CLVS1: variants seen among roughly 807,000 people sequenced by gnomAD.
The protein encoded by CLVS1 is clavesin-1.
In CLVS1, 10 loss-of-function variants were observed where a neutral mutation model predicts 33.1. That is an observed-to-expected ratio of 0.30 (90% CI 0.19 to 0.51). The LOEUF (loss-of-function observed/expected upper bound fraction) is 0.51, where lower values mean the gene tolerates loss of function less well. Ranked by LOEUF, CLVS1 falls within the 20% of genes least tolerant of loss-of-function variation. CLVS1 has a pLI of 0.97. For synonymous variants in CLVS1, 163 were observed against 166.1 expected (o/e 0.98, Z 0.14); for missense variants, 343 against 433.4 (o/e 0.79, Z 1.85).
At chr8:61,367,812 A>G (rs1380067499) in intron 2 of CLVS1, among the ~76,000 whole-genome samples, 2 of 152,210 alleles carry the variant, frequency 1.3e-5, no homozygotes, top group Non-Finnish European at 2.9e-5. Flanking sequence ...CCATGTACAT[A>G]TATTTTACTG....
intron 5 of CLVS1, among the ~76,000 whole-genome samples, chr8:61,489,464 T>C (rs1317984698): frequency 6.6e-6 from 1 of 152,236 alleles, no homozygotes; most frequent in African/African-American, 2.4e-5. Context: ...GTTTCCTGAT[T>C]TGCAAAATGG....
chr8:61,267,150 TCA>T (rs1455352347), intron 2 of CLVS1, among the ~76,000 whole-genome samples: 2 of 152,214 alleles, frequency 1.3e-5, no homozygotes, highest in Non-Finnish European at 2.9e-5. Context: ...TCTGCAGATT[TCA>T]GTTTCCCTGT....
At chr8:61,330,273 C>T (rs967180238) in intron 2 of CLVS1, among the ~76,000 whole-genome samples, 7 of 152,126 alleles carry the variant, frequency 4.6e-5, no homozygotes, top group Admixed American at 1.3e-4. Context: ...AAGAAAGGAG[C>T]TTTACCATGA....
At chr8:61,425,281 A>G (rs1022153851) in intron 3 of CLVS1, among the ~76,000 whole-genome samples, 1 of 152,138 alleles carries the variant, frequency 6.6e-6, no homozygotes, top group African/African-American at 2.4e-5. Context: ...GTTTTTCTCT[A>G]TTCTAAGATT....
chr8:61,232,820 C>T (rs10088896), intron 2 of CLVS1, among the ~76,000 whole-genome samples: 33,068 of 152,060 alleles, frequency 0.22, 6,249 homozygotes, highest in East Asian at 0.69. Flanking sequence ...GTTGGACAAA[C>T]GGCAACAGTA....
At chr8:61,401,767 T>C (rs570453296) in intron 3 of CLVS1, among the ~76,000 whole-genome samples, 10 of 152,206 alleles carry the variant, frequency 6.6e-5, no homozygotes, top group Non-Finnish European at 1.3e-4. Flanking sequence ...CAATCCTAAG[T>C]AAAAAGAACA....
intron 3 of CLVS1, among the ~76,000 whole-genome samples, chr8:61,424,483 T>G (rs1473147391): frequency 1.3e-5 from 2 of 152,258 alleles, no homozygotes; most frequent in Admixed American, 1.3e-4. Context: ...TTTATTACCA[T>G]GTAACAGTAG....
rs1217059569 is a variant in CLVS1, at chr8:61,123,277, T to TAAC, written c.-242-8491_-242-8490insCAA. Among the ~76,000 whole-genome samples the TAAC allele has an allele frequency of 4.5e-5, 5 of 110,774 alleles. 1 individual carries two copies. The highest frequency in any genetic ancestry group is 2.4e-4 in the Admixed American group (2 of 8,282). 72.7% of individuals were successfully genotyped at this position (110,774 alleles called of 152,430 possible). ...AGAGTGAAACTCTGTCTCAAAATAA[T>TAAC]AATAATAATAATAATAATAAAAGTC... On this transcript the variant is annotated intron_variant, in intron 1 of 2. Coordinates refer to the CLVS1 transcript ENST00000522621.
At chr8:61,344,157 G>T (rs1812119893) in intron 2 of CLVS1, among the ~76,000 whole-genome samples, 1 of 151,998 alleles carries the variant, frequency 6.6e-6, no homozygotes, top group Admixed American at 6.6e-5. Flanking sequence ...CAATCATGCA[G>T]GTGAGGAACT....
At chr8:61,451,812 CAGAGAGAGAGAGAGAGAG>C (rs71257362) in intron 3 of CLVS1, among the ~76,000 whole-genome samples, 2 of 142,850 alleles carry the variant, frequency 1.4e-5, no homozygotes, top group Non-Finnish European at 1.5e-5. Flanking sequence ...CACACACACA[CAGAGAGAGAGAGAGAGAG>C]AGAGAGAGAG....
the CLVS1 span, among the ~76,000 whole-genome samples, chr8:61,009,470 G>C: frequency 6.6e-6 from 1 of 152,280 alleles, no homozygotes; most frequent in African/African-American, 2.4e-5. Flanking sequence ...TAATTTGCCA[G>C]TTGAAGAGTC....
At chr8:61,480,601 G>C (rs569813193) in intron 5 of CLVS1, among the ~76,000 whole-genome samples, 2 of 152,084 alleles carry the variant, frequency 1.3e-5, no homozygotes, top group South Asian at 4.1e-4. Flanking sequence ...TGCACCCACT[G>C]TCCGGCACTC....
In CLVS1 at chr8:61,268,466, G is replaced by A. The variant is rs1482054015; in HGVS notation, c.-151-31211G>A. 1.2e-4 allele frequency among the ~76,000 whole-genome samples: 18 copies of A among 151,426 alleles called. No homozygotes were observed. In the South Asian group the frequency reaches 1.7e-3, roughly 14 times the overall value. Reference sequence around the variant, plus strand: ...AGTCTTTGCTATGGTGAATAATGCCGCAATAAACATACGTGTGCATGTGTA... The same window carrying A: ...AGTCTTTGCTATGGTGAATAATGCCACAATAAACATACGTGTGCATGTGTA... On this transcript the variant is annotated intron_variant, in intron 2 of 2. Coordinates refer to the CLVS1 transcript ENST00000522621.
intron 2 of CLVS1, chr8:61,370,395 C>CT (rs1188394978): frequency 0.026 from 3,715 of 144,238 alleles, 140 homozygotes; most frequent in African/African-American, 0.082. Context: ...CTGTATCATT[C>CT]TTTTTTTTTT....
chr8:61,071,167 T>C (rs1804790434), intron 1 of CLVS1, among the ~76,000 whole-genome samples: 1 of 152,244 alleles, frequency 6.6e-6, no homozygotes, highest in Non-Finnish European at 1.5e-5. Flanking sequence ...CAGAGAAAAG[T>C]ATGCAACTGC....
chr8:61,179,925 A>G (rs1016295068), intron 2 of CLVS1, among the ~76,000 whole-genome samples: 1 of 152,236 alleles, frequency 6.6e-6, no homozygotes, highest in African/African-American at 2.4e-5. Flanking sequence ...TCATAATTAA[A>G]AGAACTAGAG....
rs114054481 is a variant in CLVS1 at position 61,108,451 on chromosome 8, G to A, written c.-242-23319G>A. ...GCTCTAAATGGCTCCATAGATCTCTGTTTTAATCTATTCCAATCTCTGTTT... is the reference window on the plus strand; with the variant it reads ...GCTCTAAATGGCTCCATAGATCTCTATTTTAATCTATTCCAATCTCTGTTT... On this transcript the variant is annotated intron_variant, in intron 1 of 2. Coordinates refer to the CLVS1 transcript ENST00000522621. Among the ~76,000 whole-genome samples the A allele has an allele frequency of 8.2e-3, 1,243 of 152,196 alleles. 12 individuals carry two copies. The highest frequency in any genetic ancestry group is 0.028 in the African/African-American group (1,177 of 41,512).
At chr8:61,378,363 T>C (rs762290129) in intron 3 of CLVS1, 2 of 152,202 alleles carry the variant, frequency 1.3e-5, no homozygotes, top group Non-Finnish European at 2.9e-5. Context: ...GTTCAATACA[T>C]TGATGTGAAC....
At chr8:60,996,837 G>C in the CLVS1 span, among the ~76,000 whole-genome samples, 1 of 152,064 alleles carries the variant, frequency 6.6e-6, no homozygotes, top group Non-Finnish European at 1.5e-5. Flanking sequence ...ACTCTCCAAG[G>C]CCTCTACATC....
Sources: gnomAD v4.1 joint callset for allele counts (sites outside exome capture counted in the v4.1 genomes callset) on GRCh38, gnomAD v4.1.1 for gene constraint, MANE v1.5 for transcripts, NCBI Gene and HGNC (gene_info 2026-07-23, HGNC 2026-07-21) for gene names.